The following DNAH6 variants were observed in gnomAD, a reference collection of about 807,000 sequenced individuals.
DNAH6 encodes dynein axonemal heavy chain 6.
In DNAH6, 340 loss-of-function variants were observed where a neutral mutation model predicts 491.4. The observed-to-expected ratio is 0.69, with a 90% CI of 0.63 to 0.76. The LOEUF (loss-of-function observed/expected upper bound fraction) is 0.76. Among genes scored for constraint, DNAH6 ranks in the 30% least tolerant of loss-of-function variants. The pLI is 0.00. For synonymous variants in DNAH6, 1,603 were observed against 1,686.1 expected, an observed-to-expected ratio of 0.95 and a Z score of 1.21; for missense variants, 4,443 against 4,972.2, an observed-to-expected ratio of 0.89 and a Z score of 3.20.
intron 31 of DNAH6, among the ~76,000 whole-genome samples, chr2:84,639,313 G>C (rs1573320754): frequency 6.6e-6 from 1 of 151,784 alleles, no homozygotes; most frequent in Non-Finnish European, 1.5e-5. Context: ...TTGTCCTGTT[G>C]TTATAGTACT....
chr2:84,569,018 A>G (rs1681510457), intron 11 of DNAH6, among the ~76,000 whole-genome samples: 1 of 152,202 alleles, frequency 6.6e-6, no homozygotes, highest in South Asian at 2.1e-4. Flanking sequence ...CAACAATACA[A>G]CCTTTAAAAT....
At chr2:84,779,179 G>T (rs898624867) in intron 64 of DNAH6, among the ~76,000 whole-genome samples, 1 of 152,158 alleles carries the variant, frequency 6.6e-6, no homozygotes, top group African/African-American at 2.4e-5. Flanking sequence ...TCTGATTTAT[G>T]TCCAGAATTT....
chr2:84,529,421 T>G (rs1302549804), intron 4 of DNAH6, among the ~76,000 whole-genome samples: 2 of 152,150 alleles, frequency 1.3e-5, no homozygotes, highest in Non-Finnish European at 2.9e-5. Flanking sequence ...CATATATTTT[T>G]AATCAGTATT....
intron 19 of DNAH6, 22 bp from the exon 20 acceptor site, chr2:84,605,478 T>C (rs1685673445): frequency 6.6e-7 from 1 of 1,516,794 alleles, no homozygotes; most frequent in Non-Finnish European, 9.0e-7. Context: ...TTAGATATCC[T>C]AAGGCTTGAA....
At chr2:84,644,881 G>A (rs1380292662) in intron 33 of DNAH6, among the ~76,000 whole-genome samples, 1 of 152,016 alleles carries the variant, frequency 6.6e-6, no homozygotes. Flanking sequence ...TTGCTATTTT[G>A]AATAATACTG....
Position 84,704,151 on chromosome 2 carries a change from G to C in DNAH6, c.8314G>C (p.Asp2772His). ...TQAIADDAQR[D>H]LDEALPALDA... ...AGCAATAGCTGATGATGCTCAAAGA[G>C]ATCTTGACGAGGCACTACCTGCACT... The change falls in exon 51 of 77, where the codon GAT (aspartate) becomes CAT (histidine). Residue 2772 changes from aspartate to histidine, a missense_variant. Physicochemically the swap from Asp to His is moderately conservative, Grantham distance 81 (BLOSUM62 -1). Coordinates refer to ENST00000389394, the MANE Select transcript of DNAH6 (RefSeq NM_001370.2). 6.4e-7 allele frequency: 1 copy of C among 1,551,908 alleles called. No individual in the cohort carries two copies. Among genetic ancestry groups the C allele is most frequent in the East Asian group, 2.4e-5 (1 of 40,918 alleles).
intron 21 of DNAH6, among the ~76,000 whole-genome samples, chr2:84,609,043 A>G (rs879417779): frequency 5.9e-5 from 9 of 152,160 alleles, no homozygotes; most frequent in Non-Finnish European, 1.3e-4. Flanking sequence ...AACCTCTGCT[A>G]CCTTCAAACT....
Position 84,677,054 on chromosome 2 carries a change from C to T in DNAH6, c.6662C>T (p.Pro2221Leu), listed in dbSNP as rs747946981. The change falls in exon 41 of 77, where the codon CCT becomes CTT. Residue 2221 changes from proline (P) to leucine (L), a missense_variant. Transcript: ENST00000389394. Reference protein sequence around the residue: ...ACAPPGGGRNPVTPRFIRHFS... With the variant: ...ACAPPGGGRNLVTPRFIRHFS... ...GCACCTCCAGGCGGTGGCCGCAACCCTGTGACTCCCCGCTTCATCAGACAC... is the reference window on the plus strand; with the variant it reads ...GCACCTCCAGGCGGTGGCCGCAACCTTGTGACTCCCCGCTTCATCAGACAC... 6.4e-7 allele frequency: 1 copy of T among 1,551,642 alleles called. No homozygotes were observed. Among genetic ancestry groups the T allele is most frequent in the African/African-American group, 1.4e-5 (1 of 73,064 alleles).
the DNAH6 span, among the ~76,000 whole-genome samples, chr2:84,502,325 G>C: frequency 1.3e-5 from 2 of 151,974 alleles, no homozygotes; most frequent in African/African-American, 2.4e-5. Context: ...ATTTGTATAG[G>C]TCCAAAATTC....
intron 67 of DNAH6, among the ~76,000 whole-genome samples, chr2:84,786,807 T>C (rs150872952): frequency 6.6e-5 from 10 of 152,276 alleles, no homozygotes; most frequent in African/African-American, 2.4e-4. Flanking sequence ...CTCCACCAGA[T>C]GGATGATTGC....
chr2:84,731,929 G>A (rs745536520), intron 61 of DNAH6, among the ~76,000 whole-genome samples: 12 of 152,142 alleles, frequency 7.9e-5, no homozygotes, highest in Non-Finnish European at 1.5e-4. Flanking sequence ...AAACATTAGA[G>A]CAATCAGCCC....
intron 40 of DNAH6, among the ~76,000 whole-genome samples, chr2:84,674,016 A>G (rs1173694208): frequency 6.6e-6 from 1 of 152,164 alleles, no homozygotes; most frequent in Non-Finnish European, 1.5e-5. Flanking sequence ...TAACTGTCCC[A>G]TTTCTGTTCT....
At chr2:84,812,996 T>C in intron 73 of DNAH6, 62 bp from the exon 74 acceptor site, 3 of 1,420,556 alleles carry the variant, frequency 2.1e-6, no homozygotes, top group Non-Finnish European at 2.9e-6. Context: ...AATAGGACTT[T>C]GCTTTAGAAA....
chr2:84,786,569 G>A (rs898542609), intron 67 of DNAH6, among the ~76,000 whole-genome samples: 3 of 152,102 alleles, frequency 2.0e-5, no homozygotes, highest in African/African-American at 7.2e-5. Flanking sequence ...TGAGGAGGTA[G>A]TTTAAGCTTT....
At chr2:84,727,940 T>G (rs1301747481) in intron 61 of DNAH6, 38 bp downstream of exon 61, 3 of 1,331,998 alleles carry the variant, frequency 2.3e-6, no homozygotes, top group Non-Finnish European at 3.2e-6. Context: ...TGATATGGTT[T>G]GGCTGTGTCC....
chr2:84,549,995 C>A lies in DNAH6; in HGVS notation c.1423C>A (p.Pro475Thr), dbSNP rs1299666374. 1 of 1,613,990 alleles carries A rather than the reference C, an allele frequency of 6.2e-7. No homozygotes were observed. The highest frequency in any genetic ancestry group is 8.5e-7 in the Non-Finnish European group (1 of 1,179,954). ...NHLTDKLKRTPSADVIQKWIT... is the reference protein window; with the variant it reads ...NHLTDKLKRTTSADVIQKWIT... ...TCTCACTGACAAGCTAAAACGAACA[C>A]CTTCAGCAGATGTCATTCAGAAATG... is the stretch of plus-strand genomic sequence containing the variant. The change falls in exon 9 of 77, where the codon CCT (proline) becomes ACT (threonine). Residue 475 changes from proline (P) to threonine (T), a missense_variant. Around this residue, in one of 3 missense-constraint regions of DNAH6, gnomAD observed 2,977 missense variants for 3,296.6 expected, o/e 0.90. Coordinates refer to ENST00000389394, the MANE Select transcript of DNAH6 (RefSeq NM_001370.2).
chr2:84,707,163 G>A lies in DNAH6; in HGVS notation c.8851+144G>A, dbSNP rs565835302. 347 of 986,938 alleles carry A rather than the reference G, an allele frequency of 3.5e-4. 1 individual carries two copies. The Middle Eastern group carries it at 8.4e-3, about 24-fold the overall frequency. 61.1% of individuals were successfully genotyped at this position (986,938 alleles called of 1,614,324 possible). A position where few individuals can be genotyped will look rare whatever the true frequency, so the allele number is the denominator to read the frequency against. On this transcript the variant is annotated intron_variant, in intron 53 of 76. Coordinates refer to ENST00000389394, the MANE Select transcript of DNAH6 (RefSeq NM_001370.2). ...CTCCTAGGATCAAATAAGAACTCAT[G>A]TGTTTTATATATTCAACATCCTGTA...
intron 18 of DNAH6, among the ~76,000 whole-genome samples, chr2:84,604,099 G>A (rs561672151): frequency 1.4e-4 from 22 of 152,270 alleles, no homozygotes; most frequent in African/African-American, 4.6e-4. Flanking sequence ...TTCTCCTTGT[G>A]GAGAAACCTG....
At chr2:84,814,629 CG>C (rs1680314119) in intron 75 of DNAH6, among the ~76,000 whole-genome samples, 1 of 152,200 alleles carries the variant, frequency 6.6e-6, no homozygotes, top group Non-Finnish European at 1.5e-5. Flanking sequence ...CGGAGCTTTC[CG>C]GGACCAGCCT....
Sources: allele counts gnomAD v4.1 joint callset (sites outside exome capture counted in the v4.1 genomes callset), GRCh38; gene constraint gnomAD v4.1.1; regional missense constraint gnomAD v4.1.1; transcripts MANE v1.5; gene names NCBI Gene and HGNC (gene_info 2026-07-23, HGNC 2026-07-21).